ERMARD: variants seen among roughly 807,000 people sequenced by gnomAD.
The protein encoded by ERMARD is endoplasmic reticulum membrane-associated RNA degradation protein.
A neutral mutation model predicts 83.9 loss-of-function variants in ERMARD; 71 were observed. The observed-to-expected ratio is 0.85, with a 90% CI of 0.70 to 1.03. The LOEUF (loss-of-function observed/expected upper bound fraction) is 1.03. Among genes scored for constraint, ERMARD ranks in the 50% least tolerant of loss-of-function variants. The pLI, the probability that ERMARD is intolerant of heterozygous loss-of-function variation, is 0.00. For missense variants in ERMARD, 838 were observed against 810.9 expected, an observed-to-expected ratio of 1.03 and a Z score of -0.41; for synonymous variants, 284 against 298.6, an observed-to-expected ratio of 0.95 and a Z score of 0.50.
rs1005311081 is a variant in ERMARD at position 169,767,949 on chromosome 6, C to A, written c.991-154C>A. ...GTTGGTTAAGAAAATATTTCCTGAA[C>A]ACCTGTTTGCTGAATTTTAAAGACT... is the stretch of plus-strand genomic sequence containing the variant. On this transcript the variant is annotated intron_variant, in intron 10 of 17. Transcript: ENST00000366773. The A allele has an allele frequency of 2.4e-5, 15 of 621,558 alleles. No individual in the cohort carries two copies. In the East Asian group the frequency reaches 4.1e-4, roughly 17 times the overall value. The allele number at this position is 621,558 out of a possible 1,614,324, so 38.5% of individuals were successfully genotyped here. A position where few individuals can be genotyped will look rare whatever the true frequency, so the allele number is the denominator to read the frequency against.
intron 9 of ERMARD, among the ~76,000 whole-genome samples, chr6:169,766,371 C>T (rs1174308694): frequency 6.6e-6 from 1 of 152,204 alleles, no homozygotes; most frequent in Admixed American, 6.5e-5. Flanking sequence ...TGGGATTGTA[C>T]ATTTTAGAGA....
Position 169,768,106 on chromosome 6 carries a change from T to C in ERMARD, c.994T>C (p.Leu332=). Residue 332 remains leucine (L), a synonymous_variant, in exon 11 of 18, where the codon TTG becomes CTG. Transcript: ENST00000366773. ...TALYTTFDQI[L]AKHLNDGKIN... is the part of the protein sequence containing the mutation. ...GTATTTATTTTTGATGTTTTAGATA[T>C]TGGCAAAACACTTGAATGATGGTAA... 6.2e-7 allele frequency: 1 copy of C among 1,613,796 alleles called. No homozygotes were observed. The highest frequency in any genetic ancestry group is 8.5e-7 in the Non-Finnish European group (1 of 1,179,684).
intron 9 of ERMARD, among the ~76,000 whole-genome samples, chr6:169,765,153 C>T (rs933364817): frequency 3.3e-5 from 5 of 152,248 alleles, no homozygotes; most frequent in African/African-American, 4.8e-5. Context: ...CGGTGGCACG[C>T]ACCATCACTG....
Position 169,760,633 on chromosome 6 carries a change from AT to A in ERMARD, c.743-5del. On this transcript the variant is annotated splice_polypyrimidine_tract_variant and splice_region_variant and intron_variant, in intron 7 of 17. Transcript: ENST00000366773. ...ATGATTGTGTTTAAAACCGTGTGTTATTTTACAGATGTTACTTATGAGGTGC... is the reference window on the plus strand; with the variant it reads ...ATGATTGTGTTTAAAACCGTGTGTTATTTACAGATGTTACTTATGAGGTGC... 1 of 1,556,250 alleles carries A rather than the reference AT, an allele frequency of 6.4e-7. No individual in the cohort carries two copies. The highest frequency in any genetic ancestry group is 8.9e-7 in the Non-Finnish European group (1 of 1,128,976).
chr6:169,775,258 A>G lies in ERMARD; in HGVS notation c.1318-12A>G. ...GTGAAATCTACAAAAGCAATAAAAC[A>G]TTTCCTCCCAGGTGCTGAGCTGTGA... is the stretch of plus-strand genomic sequence containing the variant. On this transcript the variant is annotated splice_polypyrimidine_tract_variant and intron_variant, in intron 13 of 17. Coordinates refer to ENST00000366773, the MANE Select transcript of ERMARD (RefSeq NM_018341.3). 2.5e-6 allele frequency: 4 copies of G among 1,613,428 alleles called. No homozygotes were observed. Among genetic ancestry groups the G allele is most frequent in the South Asian group, 2.2e-5 (2 of 90,822 alleles).
At position 169,779,278 on chromosome 6, in the gene ERMARD, G is replaced by A; in HGVS notation, c.1836G>A (p.Glu612=). 1 of 1,614,142 alleles carries A rather than the reference G, an allele frequency of 6.2e-7. No individual in the cohort carries two copies. Among genetic ancestry groups the A allele is most frequent in the Non-Finnish European group, 8.5e-7 (1 of 1,179,960 alleles). The change falls in exon 17 of 18, where the codon GAG becomes GAA. Residue 612 remains glutamate, a synonymous_variant. Transcript: ENST00000366773. ...CTGTTTGTGGGAAGAATGCGCATGA[G>A]TATCAGCAGTACCTAAAGTAAGTGT... ...IHAVCGKNAH[E]YQQYLKFVKS... is the part of the protein sequence containing the mutation.
intron 5 of ERMARD, among the ~76,000 whole-genome samples, 154 bp downstream of exon 5, chr6:169,756,962 CA>C (rs1790892934): frequency 6.6e-6 from 1 of 152,156 alleles, no homozygotes; most frequent in African/African-American, 2.4e-5. Flanking sequence ...AGGAGAAAGA[CA>C]TTTCTAACAG....
intron 17 of ERMARD, among the ~76,000 whole-genome samples, chr6:169,779,512 G>T (rs1436039086): frequency 3.4e-5 from 5 of 148,110 alleles, no homozygotes; most frequent in Non-Finnish European, 4.5e-5. Context: ...TGTTTTTTTT[G>T]GAGACAGAGT....
intron 12 of ERMARD, chr6:169,772,947 T>C (rs1793146775): frequency 5.3e-6 from 1 of 189,748 alleles, no homozygotes. Flanking sequence ...ATGTATATGC[T>C]TGGCAATTAA....
Position 169,781,581 on chromosome 6 carries a change from A to G in ERMARD, c.*68A>G. The G allele has an allele frequency of 7.0e-7, 1 of 1,437,088 alleles. No individual in the cohort carries two copies. The highest frequency in any genetic ancestry group is 1.4e-5 in the African/African-American group (1 of 69,826). The allele number at this position is 1,437,088 out of a possible 1,614,324, so 89.0% of individuals were successfully genotyped here. On this transcript the variant is annotated 3_prime_UTR_variant, in exon 18 of 18. Transcript: ENST00000366773. ...CAGCGTGTAAATTAAAAACCCAAAG[A>G]CAGGGTGGAGTTGAGGGTCTGCTTG...
In ERMARD at chr6:169,757,406, T is replaced by G. The variant is rs1790953886; in HGVS notation, c.507+598T>G. Among the ~76,000 whole-genome samples the G allele has an allele frequency of 2.6e-5, 4 of 152,222 alleles. No homozygotes were observed. The South Asian group carries it at 8.3e-4, about 31-fold the overall frequency. On this transcript the variant is annotated intron_variant, in intron 5 of 17. Coordinates refer to ENST00000366773, the MANE Select transcript of ERMARD (RefSeq NM_018341.3). ...CAGGGCCAATGTGAAGCATGTTGCC[T>G]CGATCAATTACATATTAATAACTAT... is the stretch of plus-strand genomic sequence containing the variant.
At position 169,776,618 on chromosome 6, in the gene ERMARD, G is replaced by T; in HGVS notation, c.1684G>T (p.Val562Leu). Residue 562 changes from valine to leucine, a missense_variant, in exon 16 of 18, where the codon GTG becomes TTG. Coordinates refer to ENST00000366773, the MANE Select transcript of ERMARD (RefSeq NM_018341.3). ...VASELRHRQWVERTLRSRQRQ... is the reference protein window; with the variant it reads ...VASELRHRQWLERTLRSRQRQ... ...CTCAGAGCTGAGACACAGGCAGTGG[G>T]TGGAAAGGACGCTGCGGTCTCGCCA... 1.2e-6 allele frequency: 2 copies of T among 1,614,228 alleles called. No homozygotes were observed. Among genetic ancestry groups the T allele is most frequent in the Non-Finnish European group, 1.7e-6 (2 of 1,180,044 alleles).
chr6:169,766,594 A>G (rs746841069), intron 9 of ERMARD, 44 bp from the exon 10 acceptor site: 2 of 1,514,302 alleles, frequency 1.3e-6, no homozygotes, highest in Admixed American at 2.3e-5. Context: ...GTGTATTTGT[A>G]TTTTGCTTTA....
chr6:169,779,273 C>A lies in ERMARD; in HGVS notation c.1831C>A (p.His611Asn). Reference sequence around the variant, plus strand: ...TCATGCTGTTTGTGGGAAGAATGCGCATGAGTATCAGCAGTACCTAAAGTA... The same window carrying A: ...TCATGCTGTTTGTGGGAAGAATGCGAATGAGTATCAGCAGTACCTAAAGTA... ...NIHAVCGKNAHEYQQYLKFVK... is the reference protein window; with the variant it reads ...NIHAVCGKNANEYQQYLKFVK... The change falls in exon 17 of 18, where the codon CAT (histidine) becomes AAT (asparagine). Residue 611 changes from histidine to asparagine, a missense_variant. By Grantham distance (68) the His-to-Asn change is moderately conservative. Transcript: ENST00000366773. 1 of 1,614,166 alleles carries A rather than the reference C, an allele frequency of 6.2e-7. No homozygotes were observed. Among genetic ancestry groups the A allele is most frequent in the Non-Finnish European group, 8.5e-7 (1 of 1,180,016 alleles).
intron 4 of ERMARD, 119 bp from the exon 5 acceptor site, chr6:169,756,600 G>A (rs1790849357): frequency 1.0e-6 from 1 of 974,696 alleles, no homozygotes; most frequent in South Asian, 1.6e-5. Flanking sequence ...TGAAATCAAA[G>A]GATTGGTGTC....
At chr6:169,765,889 G>GTGATTTCGTCAC (rs1346463444) in intron 9 of ERMARD, among the ~76,000 whole-genome samples, 2 of 89,110 alleles carry the variant, frequency 2.2e-5, no homozygotes, top group Admixed American at 2.2e-4. Flanking sequence ...GATTTCATCA[G>GTGATTTCGTCAC]GCTGTCTGTC....
chr6:169,762,023 C>A (rs1433922379), intron 8 of ERMARD, among the ~76,000 whole-genome samples: 2 of 151,976 alleles, frequency 1.3e-5, no homozygotes, highest in East Asian at 1.9e-4. Flanking sequence ...ATTATCATTT[C>A]TCTTTGCTTT....
chr6:169,776,349 G>A lies in ERMARD; in HGVS notation c.1521-106G>A, dbSNP rs7749929. ...GTCCCTGCAGACCAACCAGCGATAC[G>A]CCGCTAGCCCTGGCTCCCAGAAAGC... On this transcript the variant is annotated intron_variant, in intron 15 of 17. Coordinates refer to ENST00000366773, the MANE Select transcript of ERMARD (RefSeq NM_018341.3). 5,195 of 1,553,894 alleles carry A rather than the reference G, an allele frequency of 3.3e-3. 163 individuals carry two copies. In the African/African-American group the frequency reaches 0.061, roughly 18 times the overall value.
At position 169,756,394 on chromosome 6, in the gene ERMARD, T is replaced by C. The variant is rs1001768121; in HGVS notation, c.372T>C (p.Leu124=). ...GTCTACAATCTCCTGCTATTTCTCT[T>C]AGCTTAATGAAACTGACATCGTGTC... ...LESLQSPAIS[L]SLMKLTSCLE... is the part of the protein sequence containing the mutation. The change falls in exon 4 of 18, where the codon CTT becomes CTC. Residue 124 remains leucine (L), a synonymous_variant. Transcript: ENST00000366773. 4.3e-6 allele frequency: 7 copies of C among 1,612,190 alleles called. No homozygotes were observed. The highest frequency in any genetic ancestry group is 5.9e-6 in the Non-Finnish European group (7 of 1,179,446).
Sources: gnomAD v4.1 joint callset for allele counts (sites outside exome capture counted in the v4.1 genomes callset) on GRCh38, gnomAD v4.1.1 for gene constraint, MANE v1.5 for transcripts, NCBI Gene and HGNC (gene_info 2026-07-23, HGNC 2026-07-21) for gene names.